Variants in ZNF597 observed in about 807,000 individuals in gnomAD.
ZNF597 encodes the protein zinc finger protein 597.
Under a neutral mutation model 7.3 loss-of-function variants are expected in ZNF597, and 5 were observed. The observed-to-expected ratio is 0.68, with a 90% confidence interval of 0.36 to 1.44. The LOEUF (loss-of-function observed/expected upper bound fraction) is 1.44, where lower values mean the gene tolerates loss of function less well. ZNF597 is among the 40% of genes most tolerant of loss of function. The pLI is 0.04. For missense variants in ZNF597, 585 were observed against 517.9 expected, an observed-to-expected ratio of 1.13 and a Z score of -1.26; for synonymous variants, 209 against 185.4, an observed-to-expected ratio of 1.13 and a Z score of -1.04.
Position 3,436,433 on chromosome 16 carries a change from G to A in ZNF597, c.1266C>T (p.Asn422=). 1.2e-6 allele frequency: 2 copies of A among 1,612,204 alleles called. No homozygotes were observed. Among genetic ancestry groups the A allele is most frequent in the Non-Finnish European group, 1.7e-6 (2 of 1,178,792 alleles). Residue 422 remains asparagine, a synonymous_variant, in exon 4 of 4, where the codon AAC becomes AAT. Coordinates refer to ENST00000301744, the MANE Select transcript of ZNF597 (RefSeq NM_152457.3). ...LITHKRTHIK[N]TT ...ATTTGTTATATTTACTTTACGTGGT[G>A]TTTTTTATGTGAGTTCGCTTATGAG...
At position 3,443,387 on chromosome 16, in the gene ZNF597, G is replaced by A; in HGVS notation, c.-81C>T. The A allele has an allele frequency of 1.8e-6, 1 of 548,382 alleles. No individual in the cohort carries two copies. The highest frequency in any genetic ancestry group is 3.2e-6 in the Non-Finnish European group (1 of 316,128). 34.0% of individuals were successfully genotyped at this position (548,382 alleles called of 1,614,324 possible). A position where few individuals can be genotyped will look rare whatever the true frequency, so the allele number is the denominator to read the frequency against. On this transcript the variant is annotated 5_prime_UTR_variant, in exon 1 of 4. Transcript: ENST00000301744. ...CTCCGCGGTTAATAACAGGCCTCGC[G>A]CTCCCTGACAGGAGCTGCAGAAAGC... is the stretch of plus-strand genomic sequence containing the variant.
intron 2 of ZNF597, among the ~76,000 whole-genome samples, chr16:3,441,962 G>A (rs1394341712): frequency 2.8e-5 from 4 of 143,862 alleles, no homozygotes; most frequent in African/African-American, 7.9e-5. Context: ...CCTAGGCGTC[G>A]CAGCGAGACT....
rs199570377 is a variant in ZNF597 at position 3,437,574 on chromosome 16, A to C, written c.161-36T>G. 1.4e-4 allele frequency: 213 copies of C among 1,552,822 alleles called. 2 individuals carry two copies. In the East Asian group the frequency reaches 4.7e-3, roughly 34 times the overall value. ...AAACAAAAGAAAGCAAAACATAGAC[A>C]ATATCTTCAAGGGATACTGGGGAAA... is the stretch of plus-strand genomic sequence containing the variant. On this transcript the variant is annotated intron_variant, in intron 3 of 3. Transcript: ENST00000301744.
Position 3,434,859 on chromosome 16 carries a change from G to C in ZNF597, c.*1565C>G, listed in dbSNP as rs1174644095. The C allele has an allele frequency of 1.3e-5, 2 of 152,144 alleles. No individual in the cohort carries two copies. The highest frequency in any genetic ancestry group is 2.1e-4 in the South Asian group (1 of 4,830). 9.4% of individuals were successfully genotyped at this position (152,144 alleles called of 1,614,324 possible). A position where few individuals can be genotyped will look rare whatever the true frequency, so the allele number is the denominator to read the frequency against. ...TATACTGTCTATTTAAATAGAATGA[G>C]AGCATTCTTCCATCCTAATCAAAAC... is the stretch of plus-strand genomic sequence containing the variant. On this transcript the variant is annotated 3_prime_UTR_variant, in exon 4 of 4. Transcript: ENST00000301744.
intron 3 of ZNF597, among the ~76,000 whole-genome samples, chr16:3,440,071 AATAG>A (rs1345580533): frequency 6.6e-6 from 1 of 152,128 alleles, no homozygotes; most frequent in Non-Finnish European, 1.5e-5. Context: ...AACTACTTAG[AATAG>A]ATAGTTTAGA....
rs2034275666 is a variant in ZNF597 at position 3,433,855 on chromosome 16, CAGTATTAT to C, written c.*2561_*2568del. On this transcript the variant is annotated 3_prime_UTR_variant, in exon 4 of 4. Coordinates refer to ENST00000301744, the MANE Select transcript of ZNF597 (RefSeq NM_152457.3). ...TTTTTTTCTGCATACTAATCATTAA[CAGTATTAT>C]ACCAAAAAGCCATTTTAGTTCTACC... 1 of 152,092 alleles carries C rather than the reference CAGTATTAT, an allele frequency of 6.6e-6. No individual in the cohort carries two copies. Among genetic ancestry groups the C allele is most frequent in the South Asian group, 2.1e-4 (1 of 4,824 alleles). 9.4% of individuals were successfully genotyped at this position (152,092 alleles called of 1,614,324 possible). A position where few individuals can be genotyped will look rare whatever the true frequency, so the allele number is the denominator to read the frequency against.
Position 3,436,428 on chromosome 16 carries a change from G to C in ZNF597, c.1271C>G (p.Thr424Arg), listed in dbSNP as rs920313609. The change falls in exon 4 of 4, where the codon ACG becomes AGG. Residue 424 changes from threonine (T) to arginine (R), a missense_variant. Coordinates refer to ENST00000301744, the MANE Select transcript of ZNF597 (RefSeq NM_152457.3). Reference protein sequence around the residue: ...THKRTHIKNTT With the variant: ...THKRTHIKNTR ...TAACAATTTGTTATATTTACTTTACGTGGTGTTTTTTATGTGAGTTCGCTT... is the reference window on the plus strand; with the variant it reads ...TAACAATTTGTTATATTTACTTTACCTGGTGTTTTTTATGTGAGTTCGCTT... 6.2e-7 allele frequency: 1 copy of C among 1,611,532 alleles called. No individual in the cohort carries two copies. Among genetic ancestry groups the C allele is most frequent in the East Asian group, 2.2e-5 (1 of 44,872 alleles).
rs17136402 is a variant in ZNF597, at chr16:3,435,306, G to C, written c.*1118C>G. 7,678 of 152,218 alleles carry C rather than the reference G, an allele frequency of 0.05. 485 individuals are homozygous for C. Among genetic ancestry groups the C allele is most frequent in the African/African-American group, 0.14 (6,001 of 41,510 alleles). 9.4% of individuals were successfully genotyped at this position (152,218 alleles called of 1,614,324 possible). On this transcript the variant is annotated 3_prime_UTR_variant, in exon 4 of 4. Coordinates refer to ENST00000301744, the MANE Select transcript of ZNF597 (RefSeq NM_152457.3). ...GGGTACAGCACAAAGGGAATGAAGGGGTTCCAGGATGCAAGCACACAGAAT... is the reference window on the plus strand; with the variant it reads ...GGGTACAGCACAAAGGGAATGAAGGCGTTCCAGGATGCAAGCACACAGAAT...
In ZNF597 at chr16:3,434,621, T is replaced by C. The variant is rs1478847984; in HGVS notation, c.*1803A>G. ...TTAGGGATGTTTTTGTTAGTTTCAG[T>C]TTTTCTCTCACCTGAACAGTATCTT... On this transcript the variant is annotated 3_prime_UTR_variant, in exon 4 of 4. Coordinates refer to ENST00000301744, the MANE Select transcript of ZNF597 (RefSeq NM_152457.3). The C allele has an allele frequency of 6.6e-6, 1 of 152,128 alleles. No individual in the cohort carries two copies. Among genetic ancestry groups the C allele is most frequent in the Non-Finnish European group, 1.5e-5 (1 of 68,000 alleles). The allele number at this position is 152,128 out of a possible 1,614,324, so 9.4% of individuals were successfully genotyped here. A position where few individuals can be genotyped will look rare whatever the true frequency, so the allele number is the denominator to read the frequency against.
chr16:3,436,092 A>G lies in ZNF597; in HGVS notation c.*332T>C, dbSNP rs144871019. On this transcript the variant is annotated 3_prime_UTR_variant, in exon 4 of 4. Transcript: ENST00000301744. ...CTCCTCCTTCTAAAAGTCAGAAACTACGTAAACAAAATTAAAATAACTTTA... is the reference window on the plus strand; with the variant it reads ...CTCCTCCTTCTAAAAGTCAGAAACTGCGTAAACAAAATTAAAATAACTTTA... 114 of 239,726 alleles carry G rather than the reference A, an allele frequency of 4.8e-4. 1 individual carries two copies. The East Asian group carries it at 0.01, about 22-fold the overall frequency. 14.8% of individuals were successfully genotyped at this position (239,726 alleles called of 1,614,324 possible).
intron 3 of ZNF597, among the ~76,000 whole-genome samples, chr16:3,439,961 T>G (rs1202679798): frequency 6.6e-6 from 1 of 152,096 alleles, no homozygotes; most frequent in African/African-American, 2.4e-5. Flanking sequence ...AAGAGAGAAG[T>G]GGAAGAAACA....
intron 3 of ZNF597, among the ~76,000 whole-genome samples, 184 bp downstream of exon 3, chr16:3,440,623 G>A (rs1426226043): frequency 2.0e-5 from 3 of 151,360 alleles, no homozygotes; most frequent in Non-Finnish European, 4.4e-5. Flanking sequence ...AACAGAGCGA[G>A]AGTCTGTCTC....
rs1567352256 is a variant in ZNF597 at position 3,437,552 on chromosome 16, C to G, written c.161-14G>C. On this transcript the variant is annotated splice_polypyrimidine_tract_variant and intron_variant, in intron 3 of 3. Coordinates refer to ENST00000301744, the MANE Select transcript of ZNF597 (RefSeq NM_152457.3). ...TGCCTTCCTCTCCTGTTGATAAAAACAAAAGAAAGCAAAACATAGACAATA... is the reference window on the plus strand; with the variant it reads ...TGCCTTCCTCTCCTGTTGATAAAAAGAAAAGAAAGCAAAACATAGACAATA... 6.4e-6 allele frequency: 10 copies of G among 1,569,824 alleles called. No individual in the cohort carries two copies. The South Asian group carries it at 8.3e-5, about 13-fold the overall frequency.
Position 3,437,063 on chromosome 16 carries a change from A to G in ZNF597, c.636T>C (p.Tyr212=), listed in dbSNP as rs2034311744. 6.2e-7 allele frequency: 1 copy of G among 1,614,212 alleles called. No individual in the cohort carries two copies. ...HRRIHTGEKP[Y]KCAKCSASFR... ...AGCTGGCACTGCACTTGGCACACTTATAAGGTTTCTCACCAGTATGGATTC... is the reference window on the plus strand; with the variant it reads ...AGCTGGCACTGCACTTGGCACACTTGTAAGGTTTCTCACCAGTATGGATTC... Residue 212 remains tyrosine (Y), a synonymous_variant, in exon 4 of 4, where the codon TAT becomes TAC. Transcript: ENST00000301744.
chr16:3,440,834 C>G lies in ZNF597; in HGVS notation c.133G>C (p.Glu45Gln). ...QRSLSKDGTK[E>Q]SLEDAALMGE... ...ATCAAAGCCGCATCCTCCAAAGACT[C>G]TTTTGTACCATCTTTGCTGAGGGAC... is the stretch of plus-strand genomic sequence containing the variant. Residue 45 changes from glutamate (E) to glutamine (Q), a missense_variant, in exon 3 of 4, where the codon GAG becomes CAG. Physicochemically the swap from Glu to Gln is conservative, Grantham distance 29. Transcript: ENST00000301744. 1 of 1,614,034 alleles carries G rather than the reference C, an allele frequency of 6.2e-7. No homozygotes were observed. The highest frequency in any genetic ancestry group is 8.5e-7 in the Non-Finnish European group (1 of 1,179,958).
chr16:3,433,291 T>C lies in ZNF597; in HGVS notation c.*3133A>G, dbSNP rs986606782. ...GTAAACTGCTGACATCTGAATTCCA[T>C]TGGAAAAATGCTGTTTTCATCAATG... On this transcript the variant is annotated 3_prime_UTR_variant, in exon 4 of 4. Transcript: ENST00000301744. 4 of 152,188 alleles carry C rather than the reference T, an allele frequency of 2.6e-5. No individual in the cohort carries two copies. Among genetic ancestry groups the C allele is most frequent in the Non-Finnish European group, 2.9e-5 (2 of 68,034 alleles). The allele number at this position is 152,188 out of a possible 1,614,324, so 9.4% of individuals were successfully genotyped here. A position where few individuals can be genotyped will look rare whatever the true frequency, so the allele number is the denominator to read the frequency against.
intron 2 of ZNF597, among the ~76,000 whole-genome samples, chr16:3,442,225 A>G (rs952782438): frequency 3.3e-5 from 5 of 152,156 alleles, no homozygotes; most frequent in Admixed American, 1.3e-4. Context: ...AAATGTGCTT[A>G]ATTTAAAAAT....
chr16:3,436,873 G>C lies in ZNF597; in HGVS notation c.826C>G (p.His276Asp), dbSNP rs1219360235. ...GCAAGATTTGGTTTCTCATTAAAAT[G>C]TTTATCACAGTTAGTAGATTCGTAG... is the stretch of plus-strand genomic sequence containing the variant. ...NTYESTNCDK[H>D]FNEKPNLALP... Residue 276 changes from histidine to aspartate, a missense_variant, in exon 4 of 4, where the codon CAT (histidine) becomes GAT (aspartate). Physicochemically the swap from His to Asp is moderately conservative, Grantham distance 81. Coordinates refer to ENST00000301744, the MANE Select transcript of ZNF597 (RefSeq NM_152457.3). 1 of 1,614,154 alleles carries C rather than the reference G, an allele frequency of 6.2e-7. No individual in the cohort carries two copies. The highest frequency in any genetic ancestry group is 1.1e-5 in the South Asian group (1 of 91,084).
chr16:3,441,888 G>A lies in ZNF597; in HGVS notation c.34-955C>T, dbSNP rs187979507. On this transcript the variant is annotated intron_variant, in intron 2 of 3. Transcript: ENST00000301744. ...CCAGCTACTTGGGAGGCTGGGCCAGGAGAATCGTTTGAATCCAGGAGGCAG... is the reference window on the plus strand; with the variant it reads ...CCAGCTACTTGGGAGGCTGGGCCAGAAGAATCGTTTGAATCCAGGAGGCAG... Among the ~76,000 whole-genome samples, 316 of 150,512 alleles carry A rather than the reference G, an allele frequency of 2.1e-3. 2 individuals are homozygous for A. The highest frequency in any genetic ancestry group is 7.4e-3 in the African/African-American group (300 of 40,786).
Sources: allele counts gnomAD v4.1 joint callset (sites outside exome capture counted in the v4.1 genomes callset), GRCh38; gene constraint gnomAD v4.1.1; transcripts MANE v1.5; gene names NCBI Gene and HGNC (gene_info 2026-07-23, HGNC 2026-07-21).